The following CCNY variants were observed in gnomAD, a reference collection of about 807,000 sequenced individuals.
The protein encoded by CCNY is cyclin-Y.
A neutral mutation model predicts 42.8 loss-of-function variants in CCNY; 19 were observed. The observed-to-expected ratio is 0.44, with a 90% CI of 0.31 to 0.65. The LOEUF (loss-of-function observed/expected upper bound fraction) is 0.65, where lower values mean the gene tolerates loss of function less well. CCNY is among the 30% of genes least tolerant of loss of function. The pLI, the probability that CCNY is intolerant of heterozygous loss-of-function variation, is 0.07. For synonymous variants in CCNY, 165 were observed against 162.7 expected (o/e 1.01, Z -0.11); for missense variants, 370 against 437.3 (o/e 0.85, Z 1.37).
Position 35,280,020 on chromosome 10 carries a change from A to G in CCNY, c.-9+29394A>G, listed in dbSNP as rs951612114. On this transcript the variant is annotated intron_variant, in intron 3 of 11. Coordinates refer to the CCNY transcript ENST00000374706. ...ATTAAATTTTTGTCTCCATCATTTC[A>G]TAAAAACTGCTATTGTTCAGATCAC... 2.6e-5 allele frequency among the ~76,000 whole-genome samples: 4 copies of G among 152,226 alleles called. No homozygotes were observed. The East Asian group carries it at 7.7e-4, about 29-fold the overall frequency.
At chr10:35,391,453 G>T (rs548340027) in intron 1 of CCNY, among the ~76,000 whole-genome samples, 1 of 152,310 alleles carries the variant, frequency 6.6e-6, no homozygotes, top group East Asian at 1.9e-4. Context: ...CAGAGCAGAT[G>T]ACCAGGGGAA....
At chr10:35,394,081 T>A (rs905922278) in intron 1 of CCNY, among the ~76,000 whole-genome samples, 12 of 152,204 alleles carry the variant, frequency 7.9e-5, no homozygotes, top group Non-Finnish European at 1.6e-4. Flanking sequence ...CACTCTCCAG[T>A]GCTCCGTGCA....
chr10:35,508,926 C>T (rs1047764017), intron 3 of CCNY, among the ~76,000 whole-genome samples: 1 of 152,148 alleles, frequency 6.6e-6, no homozygotes, highest in African/African-American at 2.4e-5. Context: ...TCCCCTCCCC[C>T]ACTAGTCTAC....
chr10:35,381,285 C>T (rs986659228), intron 1 of CCNY, among the ~76,000 whole-genome samples: 39 of 152,110 alleles, frequency 2.6e-4, no homozygotes, highest in African/African-American at 8.9e-4. Context: ...GTAGGCCGAG[C>T]GCCATGGCTC....
chr10:35,337,654 C>G (rs1229569557), intron 1 of CCNY, among the ~76,000 whole-genome samples: 1 of 152,308 alleles, frequency 6.6e-6, no homozygotes, highest in East Asian at 1.9e-4. Flanking sequence ...TGTCTCCAAC[C>G]TCGAGTTGGA....
chr10:35,262,257 CAAAAAAA>C (rs1184383605), intron 3 of CCNY, among the ~76,000 whole-genome samples: 92 of 25,098 alleles, frequency 3.7e-3, no homozygotes, highest in African/African-American at 0.012. Context: ...AACTCTGTCT[CAAAAAAA>C]AAAAAAAAAA....
chr10:35,368,501 C>T (rs1050803256), intron 1 of CCNY, among the ~76,000 whole-genome samples: 3 of 152,214 alleles, frequency 2.0e-5, no homozygotes, highest in East Asian at 1.9e-4. Context: ...TGGTACATGG[C>T]GGTTGTCATT....
At chr10:35,291,238 C>T (rs1835409911) in intron 3 of CCNY, among the ~76,000 whole-genome samples, 1 of 152,040 alleles carries the variant, frequency 6.6e-6, no homozygotes, top group Non-Finnish European at 1.5e-5. Flanking sequence ...AACTCCTGAC[C>T]TTAGGTGATC....
chr10:35,252,586 AAAAAAATG>A (rs2095712750), intron 3 of CCNY, among the ~76,000 whole-genome samples: 5 of 66,612 alleles, frequency 7.5e-5, no homozygotes, highest in African/African-American at 1.5e-4. Context: ...AAAAAAAAAA[AAAAAAATG>A]AGAATATCCT....
At chr10:35,481,863 G>A (rs1839676495) in intron 1 of CCNY, among the ~76,000 whole-genome samples, 1 of 152,132 alleles carries the variant, frequency 6.6e-6, no homozygotes, top group South Asian at 2.1e-4. Context: ...GAAATTTCTT[G>A]ACTAACTGTA....
rs150298337 is a variant in CCNY, at chr10:35,449,602, C to T, written c.155-33802C>T. ...GGAATGAGAGTAATTACTACGCGTG[C>T]CTGTGCTGATGGGAAATGCATGATG... On this transcript the variant is annotated intron_variant, in intron 1 of 9. Transcript: ENST00000374704. The T allele has an allele frequency of 4.1e-4, 79 of 191,542 alleles. 2 individuals carry two copies. Among genetic ancestry groups the T allele is most frequent in the African/African-American group, 1.4e-3 (60 of 42,074 alleles). 11.9% of individuals were successfully genotyped at this position (191,542 alleles called of 1,614,324 possible).
At chr10:35,529,493 A>G (rs904026545) in intron 5 of CCNY, among the ~76,000 whole-genome samples, 1 of 152,230 alleles carries the variant, frequency 6.6e-6, no homozygotes, top group Admixed American at 6.5e-5. Flanking sequence ...TATTTTAATC[A>G]TAAGTGATTA....
intron 3 of CCNY, among the ~76,000 whole-genome samples, chr10:35,269,916 G>C (rs528698471): frequency 1.3e-5 from 2 of 152,178 alleles, no homozygotes; most frequent in Admixed American, 6.5e-5. Context: ...GCCCGGCCAA[G>C]TTCATCACTC....
chr10:35,417,379 TA>T (rs1263323521), intron 1 of CCNY, among the ~76,000 whole-genome samples: 1 of 152,230 alleles, frequency 6.6e-6, no homozygotes, highest in Non-Finnish European at 1.5e-5. Context: ...ATTCACCACT[TA>T]CCATGTGACT....
At chr10:35,430,625 A>T (rs1838370575) in intron 1 of CCNY, among the ~76,000 whole-genome samples, 1 of 152,178 alleles carries the variant, frequency 6.6e-6, no homozygotes. Context: ...ACAAAAGAGG[A>T]TTGAGGGTGG....
rs544735101 is a variant in CCNY at position 35,458,718 on chromosome 10, G to A, written c.155-24686G>A. On this transcript the variant is annotated intron_variant, in intron 1 of 9. Coordinates refer to ENST00000374704, the MANE Select transcript of CCNY (RefSeq NM_145012.6). ...TAGAATGCCAGGGACATGTGAGGGT[G>A]TGAGCCAAGCCCGTCCTGAATTGTG... Among the ~76,000 whole-genome samples the A allele has an allele frequency of 2.6e-5, 4 of 152,302 alleles. No homozygotes were observed. The East Asian group carries it at 7.7e-4, about 29-fold the overall frequency.
intron 7 of CCNY, among the ~76,000 whole-genome samples, chr10:35,551,251 A>G (rs1304336388): frequency 6.6e-6 from 1 of 152,186 alleles, no homozygotes; most frequent in Non-Finnish European, 1.5e-5. Flanking sequence ...CGCCTCCTCA[A>G]AGACATCCTA....
At chr10:35,269,924 C>T (rs1835141966) in intron 3 of CCNY, among the ~76,000 whole-genome samples, 1 of 152,088 alleles carries the variant, frequency 6.6e-6, no homozygotes, top group Non-Finnish European at 1.5e-5. Context: ...AAGTTCATCA[C>T]TCTTAAATTC....
At chr10:35,320,884 G>T (rs564163248) in intron 3 of CCNY, 3 of 151,992 alleles carry the variant, frequency 2.0e-5, no homozygotes, top group Admixed American at 1.3e-4. Context: ...GCTCATGCCT[G>T]TAATTCCAGC....
Sources: allele counts gnomAD v4.1 joint callset (sites outside exome capture counted in the v4.1 genomes callset), GRCh38; gene constraint gnomAD v4.1.1; transcripts MANE v1.5; gene names NCBI Gene and HGNC (gene_info 2026-07-23, HGNC 2026-07-21).